SNAP91: variants seen among roughly 807,000 people sequenced by gnomAD.
SNAP91 encodes the protein clathrin coat assembly protein AP180.
Under a neutral mutation model 100.3 loss-of-function variants are expected in SNAP91, and 27 were observed. The ratio of observed to expected loss-of-function variants is 0.27; its 90% CI spans 0.20 to 0.37. The LOEUF (loss-of-function observed/expected upper bound fraction) is 0.37. Among genes scored for constraint, SNAP91 ranks in the 10% least tolerant of loss-of-function variants. The pLI is 1.00. For missense variants in SNAP91, 986 were observed against 1,123.7 expected, an observed-to-expected ratio of 0.88 and a Z score of 1.75; for synonymous variants, 404 against 398.6, an observed-to-expected ratio of 1.01 and a Z score of -0.16.
Position 83,645,524 on chromosome 6 carries a change from T to C in SNAP91, c.659-4322A>G, listed in dbSNP as rs73486931. 3.6e-3 allele frequency among the ~76,000 whole-genome samples: 548 copies of C among 152,256 alleles called. 3 individuals carry two copies. Among genetic ancestry groups the C allele is most frequent in the African/African-American group, 0.013 (522 of 41,562 alleles). ...AATGTATAATGACATGAATCCACCA[T>C]TTTAGTATCATACGGAGTATTTTCA... On this transcript the variant is annotated intron_variant, in intron 7 of 29. Transcript: ENST00000369694.
chr6:83,707,663 G>A (rs767881324), intron 2 of SNAP91, 135 bp downstream of exon 2: 59 of 1,200,684 alleles, frequency 4.9e-5, no homozygotes, highest in Non-Finnish European at 6.5e-5. Context: ...CACAGCTGAA[G>A]AATTTCAGCT....
intron 28 of SNAP91, among the ~76,000 whole-genome samples, chr6:83,557,746 TATAA>T (rs1780968928): frequency 6.6e-6 from 1 of 151,992 alleles, no homozygotes. Context: ...GAGATATATA[TATAA>T]ATAAAGTAAG....
At chr6:83,656,733 T>C (rs377098939) in intron 7 of SNAP91, 21 bp downstream of exon 7, 1 of 1,132,032 alleles carries the variant, frequency 8.8e-7, no homozygotes, top group Non-Finnish European at 1.3e-6. Flanking sequence ...AGCCCAGACA[T>C]GTTTCGGTTG....
intron 28 of SNAP91, among the ~76,000 whole-genome samples, chr6:83,558,576 G>T (rs1782343321): frequency 6.6e-6 from 1 of 152,192 alleles, no homozygotes; most frequent in Non-Finnish European, 1.5e-5. Flanking sequence ...GAAGCTGAAA[G>T]GAAATTTTGG....
intron 13 of SNAP91, among the ~76,000 whole-genome samples, chr6:83,606,148 T>C (rs2095599635): frequency 6.6e-6 from 1 of 152,064 alleles, no homozygotes; most frequent in Non-Finnish European, 1.5e-5. Flanking sequence ...TGGGCTGGAG[T>C]TGATCTATGT....
At chr6:83,659,352 G>C (rs1230232334) in intron 5 of SNAP91, among the ~76,000 whole-genome samples, 1 of 151,910 alleles carries the variant, frequency 6.6e-6, no homozygotes, top group Non-Finnish European at 1.5e-5. Flanking sequence ...GGATAAAAGA[G>C]GCAAGCTGAA....
intron 2 of SNAP91, among the ~76,000 whole-genome samples, chr6:83,696,928 T>C (rs1456014772): frequency 6.6e-6 from 1 of 152,206 alleles, no homozygotes; most frequent in Non-Finnish European, 1.5e-5. Flanking sequence ...AATAATGGGA[T>C]TGTGCTAAGT....
chr6:83,701,463 G>A lies in SNAP91; in HGVS notation c.130+6335C>T, dbSNP rs780298279. On this transcript the variant is annotated intron_variant, in intron 2 of 29. Coordinates refer to ENST00000369694, the MANE Select transcript of SNAP91 (RefSeq NM_001242792.2). ...TCAAAAATTCTTTTTTTTTTTTTTTGAGACAAAGTCTCACTCTTGTCCCCC... is the reference window on the plus strand; with the variant it reads ...TCAAAAATTCTTTTTTTTTTTTTTTAAGACAAAGTCTCACTCTTGTCCCCC... 1.8e-3 allele frequency among the ~76,000 whole-genome samples: 203 copies of A among 111,092 alleles called. 2 individuals are homozygous for A. The highest frequency in any genetic ancestry group is 2.7e-3 in the Non-Finnish European group (142 of 52,022). The allele number at this position is 111,092 out of a possible 152,430, so 72.9% of individuals were successfully genotyped here.
At chr6:83,578,477 T>C (rs1437814210) in intron 24 of SNAP91, among the ~76,000 whole-genome samples, 1 of 152,172 alleles carries the variant, frequency 6.6e-6, no homozygotes, top group African/African-American at 2.4e-5. Flanking sequence ...TGAGCATCTT[T>C]TCATGTGCAT....
chr6:83,660,827 G>A (rs2098528870), intron 5 of SNAP91, among the ~76,000 whole-genome samples: 1 of 151,000 alleles, frequency 6.6e-6, no homozygotes, highest in Admixed American at 6.6e-5. Context: ...TGCCCAGGCT[G>A]GAGTGCAGGG....
chr6:83,633,487 G>T (rs575737374), intron 8 of SNAP91, among the ~76,000 whole-genome samples: 1 of 152,280 alleles, frequency 6.6e-6, no homozygotes, highest in South Asian at 2.1e-4. Context: ...GGTAGGGAAG[G>T]ACCACTGGGC....
At chr6:83,642,405 G>A (rs2097750141) in intron 7 of SNAP91, among the ~76,000 whole-genome samples, 2 of 151,830 alleles carry the variant, frequency 1.3e-5, no homozygotes, top group African/African-American at 4.8e-5. Context: ...TGTTCTCATT[G>A]TTCGATTCCC....
chr6:83,580,473 G>A lies in SNAP91; in HGVS notation c.2276C>T (p.Ser759Leu), dbSNP rs547981536. Residue 759 changes from serine to leucine, a missense_variant, in exon 24 of 30, where the codon TCA becomes TTA. Coordinates refer to ENST00000369694, the MANE Select transcript of SNAP91 (RefSeq NM_001242792.2). ...ASKALGSDLDSSLASLVGNLG... is the reference protein window; with the variant it reads ...ASKALGSDLDLSLASLVGNLG... ...ACTGCCTACTAAGCTGGCAAGAGAT[G>A]AATCAAGATCACTTCCAAGGGCTTT... is the stretch of plus-strand genomic sequence containing the variant. The A allele has an allele frequency of 1.7e-5, 28 of 1,612,160 alleles. No individual in the cohort carries two copies. Among genetic ancestry groups the A allele is most frequent in the Non-Finnish European group, 2.2e-5 (26 of 1,179,248 alleles).
chr6:83,604,671 T>C (rs887426111), intron 14 of SNAP91, among the ~76,000 whole-genome samples: 9 of 152,204 alleles, frequency 5.9e-5, no homozygotes, highest in Non-Finnish European at 8.8e-5. Flanking sequence ...CAATGTTATG[T>C]TGTTACAGAT....
At chr6:83,571,333 G>A (rs570732537) in intron 26 of SNAP91, among the ~76,000 whole-genome samples, 1 of 152,254 alleles carries the variant, frequency 6.6e-6, no homozygotes, top group African/African-American at 2.4e-5. Flanking sequence ...TCGATCTTTT[G>A]ACCTTGTGAT....
At chr6:83,557,514 T>TA (rs397973683) in intron 28 of SNAP91, among the ~76,000 whole-genome samples, 2,106 of 143,138 alleles carry the variant, frequency 0.015, 33 homozygotes, top group African/African-American at 0.049. Context: ...CAAAAAATAA[T>TA]AAAAAAAAAA....
chr6:83,617,414 G>T (rs916743063), intron 9 of SNAP91, among the ~76,000 whole-genome samples: 3 of 151,830 alleles, frequency 2.0e-5, no homozygotes, highest in Non-Finnish European at 2.9e-5. Flanking sequence ...AAATATGAGT[G>T]CCCAAATACA....
chr6:83,562,924 C>A (rs185682116), intron 26 of SNAP91, among the ~76,000 whole-genome samples: 52 of 152,302 alleles, frequency 3.4e-4, no homozygotes, highest in African/African-American at 1.2e-3. Context: ...TCCCTGGGAT[C>A]TGTAACTTTT....
At chr6:83,587,420 A>G (rs1159177318) in intron 22 of SNAP91, among the ~76,000 whole-genome samples, 1 of 152,166 alleles carries the variant, frequency 6.6e-6, no homozygotes, top group Non-Finnish European at 1.5e-5. Context: ...ATTCTAGAGA[A>G]TCTTTTTCTC....
Sources: gnomAD v4.1 joint callset for allele counts (sites outside exome capture counted in the v4.1 genomes callset) on GRCh38, gnomAD v4.1.1 for gene constraint, MANE v1.5 for transcripts, NCBI Gene and HGNC (gene_info 2026-07-23, HGNC 2026-07-21) for gene names.